The following NRCAM variants were observed in gnomAD, a reference collection of about 807,000 sequenced individuals.
NRCAM encodes the protein neuronal cell adhesion molecule.
In NRCAM, 83 loss-of-function variants were observed where a neutral mutation model predicts 156.5. The ratio of observed to expected loss-of-function variants is 0.53; its 90% confidence interval spans 0.44 to 0.64. NRCAM has a LOEUF of 0.64. Ranked by LOEUF, NRCAM falls within the 30% of genes least tolerant of loss-of-function variation. The pLI is 0.00. For missense variants in NRCAM, 1,417 were observed against 1,597.3 expected (o/e 0.89, Z 1.92); for synonymous variants, 538 against 563.9 (o/e 0.95, Z 0.65).
intron 20 of NRCAM, among the ~76,000 whole-genome samples, chr7:108,185,720 A>G (rs1345241343): frequency 2.1e-5 from 3 of 140,618 alleles, no homozygotes; most frequent in Admixed American, 7.8e-5. Context: ...TGTCTCAAAA[A>G]AGAGAGAGAG....
intron 28 of NRCAM, among the ~76,000 whole-genome samples, chr7:108,169,117 C>T (rs1190449531): frequency 2.0e-5 from 3 of 152,174 alleles, no homozygotes; most frequent in Admixed American, 2.0e-4. Flanking sequence ...GCAAGACAAT[C>T]TTACCTGTTA....
chr7:108,237,914 T>C (rs574067830), intron 4 of NRCAM, 145 bp from the exon 5 acceptor site: 17 of 492,074 alleles, frequency 3.5e-5, no homozygotes, highest in African/African-American at 3.4e-4. Flanking sequence ...ATAGTGAAGG[T>C]TGAATTTGTG....
intron 3 of NRCAM, among the ~76,000 whole-genome samples, chr7:108,304,682 G>C (rs1199846262): frequency 6.6e-6 from 1 of 152,048 alleles, no homozygotes; most frequent in East Asian, 1.9e-4. Flanking sequence ...TGAGGTTCTA[G>C]GTTCAACTAT....
intron 2 of NRCAM, among the ~76,000 whole-genome samples, chr7:108,353,082 G>A (rs2099431108): frequency 6.7e-6 from 1 of 149,464 alleles, no homozygotes; most frequent in African/African-American, 2.5e-5. Flanking sequence ...AAACATTACA[G>A]AAATACCTCT....
chr7:108,445,991 T>C (rs1843695659), intron 1 of NRCAM, among the ~76,000 whole-genome samples: 1 of 152,158 alleles, frequency 6.6e-6, no homozygotes, highest in South Asian at 2.1e-4. Context: ...TTCTTCAAAT[T>C]CAGAGGGTAG....
At chr7:108,385,376 CAT>C (rs1263632001) in intron 2 of NRCAM, among the ~76,000 whole-genome samples, 14 of 152,272 alleles carry the variant, frequency 9.2e-5, no homozygotes, top group Middle Eastern at 3.4e-3. Flanking sequence ...CACCCAATCA[CAT>C]GAGAGAATTT....
intron 1 of NRCAM, among the ~76,000 whole-genome samples, chr7:108,440,106 AAC>A (rs1221011645): frequency 6.6e-6 from 1 of 152,150 alleles, no homozygotes; most frequent in Non-Finnish European, 1.5e-5. Context: ...TCAAATTGGA[AAC>A]AGTCCATATG....
chr7:108,275,829 G>T (rs1009331445), intron 3 of NRCAM, among the ~76,000 whole-genome samples: 1 of 152,128 alleles, frequency 6.6e-6, no homozygotes, highest in African/African-American at 2.4e-5. Context: ...TGATGTTAGG[G>T]TGTTGATTTT....
intron 3 of NRCAM, among the ~76,000 whole-genome samples, chr7:108,279,212 A>T (rs1039186974): frequency 5.9e-5 from 9 of 152,224 alleles, no homozygotes; most frequent in African/African-American, 1.9e-4. Context: ...GATTACATGA[A>T]TATGATAGTG....
At chr7:108,252,737 C>CA (rs1333843412) in intron 3 of NRCAM, among the ~76,000 whole-genome samples, 25 of 152,336 alleles carry the variant, frequency 1.6e-4, no homozygotes, top group African/African-American at 5.8e-4. Flanking sequence ...ACTAAGCCAT[C>CA]AGACAAGCTA....
rs1298114464 is a variant in NRCAM at position 108,160,463 on chromosome 7, T to C, written c.3496A>G (p.Thr1166Ala). The change falls in exon 31 of 33, where the codon ACT becomes GCT. Residue 1166 changes from threonine to alanine, a missense_variant. This residue lies in a region of NRCAM where 179 missense variants were observed against 260.9 expected (regional missense o/e 0.69). Coordinates refer to ENST00000379028, the MANE Select transcript of NRCAM (RefSeq NM_001037132.4). ...ATCAGACCAATGAACCAGCCCTGAGTTGCAATATCCACCTGCCGGCTTGCC... is the reference window on the plus strand; with the variant it reads ...ATCAGACCAATGAACCAGCCCTGAGCTGCAATATCCACCTGCCGGCTTGCC... ...AMASRQVDIATQGWFIGLMCA... is the reference protein window; with the variant it reads ...AMASRQVDIAAQGWFIGLMCA... The C allele has an allele frequency of 6.2e-7, 1 of 1,613,520 alleles. No homozygotes were observed. Among genetic ancestry groups the C allele is most frequent in the East Asian group, 2.2e-5 (1 of 44,868 alleles).
chr7:108,276,007 G>A (rs909389286), intron 3 of NRCAM, among the ~76,000 whole-genome samples: 1 of 152,138 alleles, frequency 6.6e-6, no homozygotes, highest in Middle Eastern at 3.2e-3. Context: ...TAGTCATTCA[G>A]GTGCAGGTTG....
At chr7:108,241,397 A>G (rs551261801) in intron 3 of NRCAM, among the ~76,000 whole-genome samples, 1 of 152,240 alleles carries the variant, frequency 6.6e-6, no homozygotes, top group Non-Finnish European at 1.5e-5. Context: ...GATAGGTTTA[A>G]TCATGTCCTC....
chr7:108,155,922 C>T (rs771849374), intron 32 of NRCAM, among the ~76,000 whole-genome samples: 1 of 151,998 alleles, frequency 6.6e-6, no homozygotes, highest in East Asian at 1.9e-4. Flanking sequence ...AATTGTTTTT[C>T]AATAGCACTT....
intron 1 of NRCAM, among the ~76,000 whole-genome samples, chr7:108,425,370 C>T (rs1474034169): frequency 6.6e-6 from 1 of 152,166 alleles, no homozygotes; most frequent in Non-Finnish European, 1.5e-5. Flanking sequence ...CTGCACAATA[C>T]TAAATCCCAA....
chr7:108,397,640 G>A (rs932289089), intron 2 of NRCAM, among the ~76,000 whole-genome samples: 8 of 152,176 alleles, frequency 5.3e-5, no homozygotes, highest in Non-Finnish European at 8.8e-5. Context: ...GAAACACTGG[G>A]CAGAGCAATG....
chr7:108,368,763 G>A (rs915326580), intron 2 of NRCAM, among the ~76,000 whole-genome samples: 2 of 152,150 alleles, frequency 1.3e-5, no homozygotes, highest in Admixed American at 1.3e-4. Context: ...AATAGCATGA[G>A]AAACCGTATA....
At chr7:108,431,853 C>T (rs1415646492) in intron 1 of NRCAM, among the ~76,000 whole-genome samples, 1 of 152,162 alleles carries the variant, frequency 6.6e-6, no homozygotes, top group African/African-American at 2.4e-5. Context: ...GGCATTATTT[C>T]CAAAAGTTAG....
intron 1 of NRCAM, among the ~76,000 whole-genome samples, chr7:108,449,658 T>C (rs1417091140): frequency 6.6e-6 from 1 of 152,226 alleles, no homozygotes; most frequent in South Asian, 2.1e-4. Flanking sequence ...TGGTGTTGAA[T>C]ATGAGTCTGT....
Sources: allele counts gnomAD v4.1 joint callset (sites outside exome capture counted in the v4.1 genomes callset), GRCh38; gene constraint gnomAD v4.1.1; regional missense constraint gnomAD v4.1.1; transcripts MANE v1.5; gene names NCBI Gene and HGNC (gene_info 2026-07-23, HGNC 2026-07-21).